Variants in GLIS3 observed in about 807,000 individuals in gnomAD.
GLIS3 encodes zinc finger protein GLIS3.
GLIS3 carries 53 observed loss-of-function variants against 78.6 expected under a neutral mutation model. That is an observed-to-expected ratio of 0.67 (90% confidence interval 0.54 to 0.85). The LOEUF is 0.85. GLIS3 is among the 40% of genes least tolerant of loss of function. The pLI, the probability that GLIS3 is intolerant of heterozygous loss-of-function variation, is 0.00. For missense variants in GLIS3, 1,703 were observed against 1,231.1 expected, an observed-to-expected ratio of 1.38 and a Z score of -5.74; for synonymous variants, 684 against 509.9, an observed-to-expected ratio of 1.34 and a Z score of -4.60.
chr9:4,123,771 T>C, intron 3 of GLIS3: 3 of 398,250 alleles, frequency 7.5e-6, no homozygotes, highest in South Asian at 1.3e-4. Flanking sequence ...ATTCCACCCA[T>C]GGTCGTCTCT....
Position 3,827,414 on chromosome 9 carries a change from G to C in GLIS3, c.*858C>G, listed in dbSNP as rs531952146. ...GTCTTTGAGGTGGAGTTACTAAACAGTCAACTCAGGAAGGTTCCAGCTACA... is the reference window on the plus strand; with the variant it reads ...GTCTTTGAGGTGGAGTTACTAAACACTCAACTCAGGAAGGTTCCAGCTACA... On this transcript the variant is annotated 3_prime_UTR_variant, in exon 11 of 11. Coordinates refer to ENST00000381971, the MANE Select transcript of GLIS3 (RefSeq NM_001042413.2). 3.9e-5 allele frequency: 6 copies of C among 152,326 alleles called. No individual in the cohort carries two copies. The highest frequency in any genetic ancestry group is 3.9e-4 in the Admixed American group (6 of 15,300). The allele number at this position is 152,326 out of a possible 1,614,324, so 9.4% of individuals were successfully genotyped here. A position where few individuals can be genotyped will look rare whatever the true frequency, so the allele number is the denominator to read the frequency against.
At chr9:4,435,747 A>G in the GLIS3 span, among the ~76,000 whole-genome samples, 10 of 152,084 alleles carry the variant, frequency 6.6e-5, no homozygotes, top group Admixed American at 2.0e-4. Flanking sequence ...CAGGAGATGG[A>G]GACCATCCTG....
rs896055341 is a variant in GLIS3, at chr9:3,825,370, T to A, written c.*2902A>T. The A allele has an allele frequency of 9.2e-5, 14 of 152,222 alleles. No homozygotes were observed. Among genetic ancestry groups the A allele is most frequent in the African/African-American group, 3.1e-4 (13 of 41,466 alleles). 9.4% of individuals were successfully genotyped at this position (152,222 alleles called of 1,614,324 possible). ...AGAGGCTAAATTACAACTGACATTT[T>A]GATGCAGTTTCGTTAGGGAATTAAG... On this transcript the variant is annotated 3_prime_UTR_variant, in exon 11 of 11. Coordinates refer to ENST00000381971, the MANE Select transcript of GLIS3 (RefSeq NM_001042413.2).
chr9:4,271,044 CCTCCTT>C (rs1420894001), intron 2 of GLIS3, among the ~76,000 whole-genome samples: 1 of 152,002 alleles, frequency 6.6e-6, no homozygotes, highest in African/African-American at 2.4e-5. Flanking sequence ...CCTTCCTCTT[CCTCCTT>C]CTCCTCAGCC....
At chr9:4,252,776 A>T (rs1243843871) in intron 2 of GLIS3, among the ~76,000 whole-genome samples, 3 of 151,870 alleles carry the variant, frequency 2.0e-5, no homozygotes, top group Non-Finnish European at 4.4e-5. Context: ...GATGTTGGTG[A>T]CCTTTGCGTG....
At chr9:4,472,413 A>C in the GLIS3 span, among the ~76,000 whole-genome samples, 1 of 152,262 alleles carries the variant, frequency 6.6e-6, no homozygotes. Flanking sequence ...TACATCATGG[A>C]ATACTATGCA....
intron 1 of GLIS3, among the ~76,000 whole-genome samples, chr9:4,288,331 C>T (rs543543177): frequency 1.8e-4 from 27 of 151,862 alleles, no homozygotes; most frequent in African/African-American, 6.5e-4. Context: ...CCACCCCCCG[C>T]CAAAAAAAGG....
At chr9:4,467,379 C>A in the GLIS3 span, among the ~76,000 whole-genome samples, 10 of 152,200 alleles carry the variant, frequency 6.6e-5, no homozygotes, top group Admixed American at 2.0e-4. Context: ...GAGACACCTC[C>A]CAGTAGGTGG....
At chr9:4,316,916 C>G (rs12380848) in intron 2 of GLIS3, among the ~76,000 whole-genome samples, 3 of 151,938 alleles carry the variant, frequency 2.0e-5, no homozygotes, top group Non-Finnish European at 4.4e-5. Flanking sequence ...AGGAACTTAA[C>G]TCTTGTTTAT....
intron 2 of GLIS3, among the ~76,000 whole-genome samples, chr9:4,162,665 G>A (rs951394862): frequency 5.3e-5 from 8 of 151,890 alleles, no homozygotes; most frequent in Admixed American, 4.6e-4. Context: ...GACCATCCTG[G>A]CTAACACGGT....
rs530406231 is a variant in GLIS3 at position 4,198,538 on chromosome 9, T to C, written c.389-72597A>G. 7.6e-4 allele frequency among the ~76,000 whole-genome samples: 115 copies of C among 152,158 alleles called. 2 individuals are homozygous for C. Among genetic ancestry groups the C allele is most frequent in the Non-Finnish European group, 2.5e-4 (17 of 68,004 alleles). ...AAAAGAATTTTAAAAATGAACAGTC[T>C]TTGAGAAATATGGGATTATGTAAAT... On this transcript the variant is annotated intron_variant, in intron 2 of 10. Coordinates refer to ENST00000381971, the MANE Select transcript of GLIS3 (RefSeq NM_001042413.2).
chr9:4,097,470 C>T (rs1468545200), intron 4 of GLIS3, among the ~76,000 whole-genome samples: 4 of 152,044 alleles, frequency 2.6e-5, no homozygotes, highest in Non-Finnish European at 5.9e-5. Flanking sequence ...ATCACCAGCA[C>T]ACCCTTCAGT....
upstream of GLIS3, among the ~76,000 whole-genome samples, chr9:4,303,226 G>C (rs898647600): frequency 6.6e-6 from 1 of 151,344 alleles, no homozygotes; most frequent in Non-Finnish European, 1.5e-5. Flanking sequence ...GATAAGTTGA[G>C]CTAATAGCAC....
intron 2 of GLIS3, among the ~76,000 whole-genome samples, chr9:4,264,665 C>T (rs1825822525): frequency 6.6e-6 from 1 of 152,102 alleles, no homozygotes; most frequent in South Asian, 2.1e-4. Flanking sequence ...AGAAGCCTTC[C>T]CTAAATGTCC....
At chr9:4,063,037 C>G (rs1826788473) in intron 4 of GLIS3, among the ~76,000 whole-genome samples, 1 of 152,024 alleles carries the variant, frequency 6.6e-6, no homozygotes, top group Admixed American at 6.6e-5. Flanking sequence ...ACTCTCTTGA[C>G]TCTTTATCTC....
Position 4,221,428 on chromosome 9 carries a change from C to T in GLIS3, c.388+64610G>A, listed in dbSNP as rs143445904. Among the ~76,000 whole-genome samples the T allele has an allele frequency of 2.1e-3, 320 of 152,252 alleles. 1 individual carries two copies. The highest frequency in any genetic ancestry group is 3.7e-3 in the Non-Finnish European group (249 of 68,010). On this transcript the variant is annotated intron_variant, in intron 2 of 10. Coordinates refer to ENST00000381971, the MANE Select transcript of GLIS3 (RefSeq NM_001042413.2). ...TTGGCATTTTCTTGGAAACTTCAAA[C>T]ATGTGCAAAACACATGTATCATGCA... is the stretch of plus-strand genomic sequence containing the variant.
intron 4 of GLIS3, among the ~76,000 whole-genome samples, chr9:3,991,636 G>A (rs148410014): frequency 3.6e-4 from 54 of 150,222 alleles, no homozygotes; most frequent in African/African-American, 1.2e-3. Context: ...TTATCTTGGG[G>A]TTACTGTCAT....
rs1382027581 is a variant in GLIS3, at chr9:3,825,519, G to C, written c.*2753C>G. 2 of 151,976 alleles carry C rather than the reference G, an allele frequency of 1.3e-5. No individual in the cohort carries two copies. Among genetic ancestry groups the C allele is most frequent in the Non-Finnish European group, 2.9e-5 (2 of 68,008 alleles). The allele number at this position is 151,976 out of a possible 1,614,324, so 9.4% of individuals were successfully genotyped here. A position where few individuals can be genotyped will look rare whatever the true frequency, so the allele number is the denominator to read the frequency against. On this transcript the variant is annotated 3_prime_UTR_variant, in exon 11 of 11. Coordinates refer to ENST00000381971, the MANE Select transcript of GLIS3 (RefSeq NM_001042413.2). Reference sequence around the variant, plus strand: ...TGTGTTTTGTTTCTGTTTTTAAGGGGAATGACAATCTCTGTTTGGACATTT... The same window carrying C: ...TGTGTTTTGTTTCTGTTTTTAAGGGCAATGACAATCTCTGTTTGGACATTT...
intron 9 of GLIS3, among the ~76,000 whole-genome samples, chr9:3,834,072 C>A (rs1034129116): frequency 1.3e-5 from 2 of 152,142 alleles, no homozygotes; most frequent in Non-Finnish European, 1.5e-5. Context: ...ACGTTTTATA[C>A]ATTTATCTTC....
Sources: allele counts gnomAD v4.1 joint callset (sites outside exome capture counted in the v4.1 genomes callset), GRCh38; gene constraint gnomAD v4.1.1; transcripts MANE v1.5; gene names NCBI Gene and HGNC (gene_info 2026-07-23, HGNC 2026-07-21).